The following GPATCH2L variants were observed in gnomAD, a reference collection of about 807,000 sequenced individuals.
GPATCH2L encodes the protein G-patch domain containing 2 like, also known as G patch domain-containing protein 2-like.
GPATCH2L carries 31 observed loss-of-function variants against 57.4 expected under a neutral mutation model. The ratio of observed to expected loss-of-function variants is 0.54; its 90% confidence interval spans 0.41 to 0.73. The LOEUF is 0.73. Among genes scored for constraint, GPATCH2L ranks in the 30% least tolerant of loss-of-function variants. The pLI, the probability that GPATCH2L is intolerant of heterozygous loss-of-function variation, is 0.00. For synonymous variants in GPATCH2L, 199 were observed against 210.7 expected (o/e 0.94, Z 0.48); for missense variants, 481 against 599.9 (o/e 0.80, Z 2.07).
intron 1 of GPATCH2L, among the ~76,000 whole-genome samples, chr14:76,224,657 A>G (rs1438095978): frequency 6.6e-6 from 1 of 152,154 alleles, no homozygotes; most frequent in Non-Finnish European, 1.5e-5. Context: ...TTTCTATTAA[A>G]CATTGTACTA....
At chr14:76,186,217 T>G (rs2039759687) in intron 8 of GPATCH2L, among the ~76,000 whole-genome samples, 1 of 151,986 alleles carries the variant, frequency 6.6e-6, no homozygotes, top group Non-Finnish European at 1.5e-5. Flanking sequence ...CCTCAAATGG[T>G]CTATAAGAGG....
Position 76,154,261 on chromosome 14 carries a change from A to G in GPATCH2L, c.-10-93A>G. On this transcript the variant is annotated intron_variant, in intron 1 of 9. Coordinates refer to ENST00000261530, the MANE Select transcript of GPATCH2L (RefSeq NM_017926.4). This position sits in a 1 kb window ranked among gnomAD's most constrained non-coding sequence, Gnocchi z 4.4. ...ACTGTGGACTACCATGATCTGTTTCATCAAATTATTCCAAAACAACAGATC... is the reference window on the plus strand; with the variant it reads ...ACTGTGGACTACCATGATCTGTTTCGTCAAATTATTCCAAAACAACAGATC... 1 of 1,090,672 alleles carries G rather than the reference A, an allele frequency of 9.2e-7. No individual in the cohort carries two copies. Among genetic ancestry groups the G allele is most frequent in the African/African-American group, 1.6e-5 (1 of 63,644 alleles). The allele number at this position is 1,090,672 out of a possible 1,614,324, so 67.6% of individuals were successfully genotyped here. A position where few individuals can be genotyped will look rare whatever the true frequency, so the allele number is the denominator to read the frequency against.
chr14:76,181,646 G>A (rs914548894), intron 8 of GPATCH2L, among the ~76,000 whole-genome samples: 2 of 152,106 alleles, frequency 1.3e-5, no homozygotes, highest in Non-Finnish European at 2.9e-5. Flanking sequence ...GGACTTGTTA[G>A]GCATTAACAT....
Position 76,154,296 on chromosome 14 carries a change from G to A in GPATCH2L, c.-10-58G>A, listed in dbSNP as rs1367750037. On this transcript the variant is annotated intron_variant, in intron 1 of 9. Coordinates refer to ENST00000261530, the MANE Select transcript of GPATCH2L (RefSeq NM_017926.4). The surrounding 1 kb of genome is among the most constrained non-coding windows in gnomAD (Gnocchi z 4.4). ...TCCAAAACAACAGATCCTTTTTCAG[G>A]CTTTCTTTTTCTTTTTCTTTTCTTT... is the stretch of plus-strand genomic sequence containing the variant. 4 of 1,373,034 alleles carry A rather than the reference G, an allele frequency of 2.9e-6. No homozygotes were observed. The East Asian group carries it at 9.3e-5, about 32-fold the overall frequency. The allele number at this position is 1,373,034 out of a possible 1,614,324, so 85.1% of individuals were successfully genotyped here.
intron 8 of GPATCH2L, among the ~76,000 whole-genome samples, chr14:76,184,026 GTGTGTGTGTGTGTGTGT>G (rs2039675552): frequency 5.5e-5 from 8 of 146,168 alleles, no homozygotes; most frequent in African/African-American, 5.4e-5. Flanking sequence ...TTAGCATGGT[GTGTGTGTGTGTGTGTGT>G]GTGTGTGTGT....
intron 8 of GPATCH2L, among the ~76,000 whole-genome samples, chr14:76,193,004 C>T (rs2040029103): frequency 6.6e-6 from 1 of 151,868 alleles, no homozygotes; most frequent in South Asian, 2.1e-4. Flanking sequence ...AGACAATTGA[C>T]CTGAAGGCTT....
chr14:76,166,760 C>CCAAAG, intron 3 of GPATCH2L, 33 bp downstream of exon 3: 1 of 1,428,250 alleles, frequency 7.0e-7, no homozygotes, highest in Non-Finnish European at 9.9e-7. Context: ...GACCTTGGTT[C>CCAAAG]CGTGTTTATG....
At chr14:76,165,587 T>TA (rs547416822) in intron 2 of GPATCH2L, among the ~76,000 whole-genome samples, 185 of 145,542 alleles carry the variant, frequency 1.3e-3, no homozygotes, top group Non-Finnish European at 2.0e-3. Context: ...TCCCAGAACT[T>TA]AAAAAAAAAA....
At chr14:76,188,492 C>G (rs181710628) in intron 8 of GPATCH2L, among the ~76,000 whole-genome samples, 13 of 151,548 alleles carry the variant, frequency 8.6e-5, no homozygotes, top group African/African-American at 3.1e-4. Context: ...TTTCATATGC[C>G]TGTTTGCCAC....
intron 5 of GPATCH2L, chr14:76,174,035 T>TAAAA: frequency 6.0e-6 from 1 of 165,318 alleles, no homozygotes; most frequent in Non-Finnish European, 1.3e-5. Flanking sequence ...TAGAATTCAT[T>TAAAA]AAAAAAAAAA....
intron 1 of GPATCH2L, among the ~76,000 whole-genome samples, chr14:76,225,963 A>G (rs1595014337): frequency 6.6e-6 from 1 of 152,222 alleles, no homozygotes; most frequent in South Asian, 2.1e-4. Flanking sequence ...AACACCAACT[A>G]CTAAGTAAGG....
intron 2 of GPATCH2L, among the ~76,000 whole-genome samples, chr14:76,158,667 A>C (rs2038425057): frequency 6.6e-6 from 1 of 152,198 alleles, no homozygotes; most frequent in South Asian, 2.1e-4. Flanking sequence ...AAGAATATGT[A>C]TGGTAGGTGG....
chr14:76,180,704 CT>C, intron 7 of GPATCH2L, 59 bp from the exon 8 acceptor site: 1 of 1,080,976 alleles, frequency 9.3e-7, no homozygotes, highest in South Asian at 1.2e-5. Flanking sequence ...GTAGGTTACC[CT>C]TTAGGATCAG....
At chr14:76,234,067 G>A (rs2040587145) in intron 2 of GPATCH2L, among the ~76,000 whole-genome samples, 1 of 152,180 alleles carries the variant, frequency 6.6e-6, no homozygotes, top group African/African-American at 2.4e-5. Context: ...CTCTGATTGT[G>A]CCACTGCACT....
intron 2 of GPATCH2L, among the ~76,000 whole-genome samples, chr14:76,230,667 T>TA (rs1260234688): frequency 2.0e-5 from 3 of 152,254 alleles, no homozygotes; most frequent in Admixed American, 1.3e-4. Flanking sequence ...CCTCATCTTC[T>TA]AAAATCTTCT....
rs1248363232 is a variant in GPATCH2L at position 76,209,747 on chromosome 14, A to G, written c.*7896A>G. 6.6e-6 allele frequency: 1 copy of G among 152,238 alleles called. No homozygotes were observed. The highest frequency in any genetic ancestry group is 1.5e-5 in the Non-Finnish European group (1 of 68,056). 9.4% of individuals were successfully genotyped at this position (152,238 alleles called of 1,614,324 possible). A position where few individuals can be genotyped will look rare whatever the true frequency, so the allele number is the denominator to read the frequency against. ...TGGGGCATCAGCACTAGCCCTATGA[A>G]TACAGTGAAACTTGGGGTTCCACTT... On this transcript the variant is annotated 3_prime_UTR_variant, in exon 10 of 10. Coordinates refer to ENST00000261530, the MANE Select transcript of GPATCH2L (RefSeq NM_017926.4).
rs2040384984 is a variant in GPATCH2L at position 76,206,981 on chromosome 14, T to G, written c.*5130T>G. 6.6e-6 allele frequency: 1 copy of G among 152,204 alleles called. No individual in the cohort carries two copies. Among genetic ancestry groups the G allele is most frequent in the Non-Finnish European group, 1.5e-5 (1 of 68,042 alleles). The allele number at this position is 152,204 out of a possible 1,614,324, so 9.4% of individuals were successfully genotyped here. Reference sequence around the variant, plus strand: ...TTTTTGAAGAATTGACAAAGGATGCTATCAAGGGCTATGTTTAGGTGGATG... The same window carrying G: ...TTTTTGAAGAATTGACAAAGGATGCGATCAAGGGCTATGTTTAGGTGGATG... On this transcript the variant is annotated 3_prime_UTR_variant, in exon 10 of 10. Coordinates refer to ENST00000261530, the MANE Select transcript of GPATCH2L (RefSeq NM_017926.4).
At chr14:76,152,246 A>G (rs1351471200) in intron 1 of GPATCH2L, among the ~76,000 whole-genome samples, 2 of 151,868 alleles carry the variant, frequency 1.3e-5, no homozygotes, top group Non-Finnish European at 1.5e-5. Flanking sequence ...CTGCAGCCTG[A>G]GGGCTTGGTG....
Position 76,155,036 on chromosome 14 carries a change from C to T in GPATCH2L, c.662+11C>T. The T allele has an allele frequency of 6.3e-7, 1 of 1,593,318 alleles. No homozygotes were observed. The highest frequency in any genetic ancestry group is 1.1e-5 in the South Asian group (1 of 89,874). On this transcript the variant is annotated intron_variant, in intron 2 of 9. Coordinates refer to ENST00000261530, the MANE Select transcript of GPATCH2L (RefSeq NM_017926.4). ...GAACATGTCAGAATGGTGAGATCTC[C>T]CTTACTAAGTCAAAGATTTTCCTGG... is the stretch of plus-strand genomic sequence containing the variant.
Sources: allele counts gnomAD v4.1 joint callset (sites outside exome capture counted in the v4.1 genomes callset), GRCh38; gene constraint gnomAD v4.1.1; non-coding constraint Gnocchi (gnomAD v3.1); transcripts MANE v1.5; gene names NCBI Gene and HGNC (gene_info 2026-07-23, HGNC 2026-07-21).